The following LRRC7 variants were observed in gnomAD, a reference collection of about 807,000 sequenced individuals.
LRRC7 encodes leucine-rich repeat-containing protein 7.
In LRRC7, 23 loss-of-function variants were observed where a neutral mutation model predicts 175.7. The observed-to-expected ratio is 0.13, with a 90% CI of 0.09 to 0.19. The LOEUF (loss-of-function observed/expected upper bound fraction) is 0.19, where lower values mean the gene tolerates loss of function less well. Ranked by LOEUF, LRRC7 falls within the 10% of genes least tolerant of loss-of-function variation. The pLI, the probability that LRRC7 is intolerant of heterozygous loss-of-function variation, is 1.00. For missense variants in LRRC7, 1,354 were observed against 1,904.7 expected, an observed-to-expected ratio of 0.71 and a Z score of 5.38; for synonymous variants, 685 against 680.9, an observed-to-expected ratio of 1.01 and a Z score of -0.09.
chr1:69,738,364 G>A (rs77318669), intron 2 of LRRC7, among the ~76,000 whole-genome samples: 1,599 of 152,098 alleles, frequency 0.011, 34 homozygotes, highest in African/African-American at 0.037. Flanking sequence ...CTGCGCCAGA[G>A]CTAGTACTGA....
In LRRC7 at chr1:69,939,021, A is replaced by C. The variant is rs888773755; in HGVS notation, c.711+7451A>C. 7.6e-5 allele frequency among the ~76,000 whole-genome samples: 9 copies of C among 118,468 alleles called. 1 individual carries two copies. The highest frequency in any genetic ancestry group is 2.9e-4 in the East Asian group (1 of 3,392). The allele number at this position is 118,468 out of a possible 152,430, so 77.7% of individuals were successfully genotyped here. ...TATATATATATATATATATCTATAT[A>C]TATATATATCTATATATATCTATAT... On this transcript the variant is annotated intron_variant, in intron 8 of 26. Transcript: ENST00000651989.
chr1:69,948,989 C>T (rs914295038), intron 8 of LRRC7, among the ~76,000 whole-genome samples: 5 of 152,048 alleles, frequency 3.3e-5, no homozygotes, highest in Admixed American at 2.0e-4. Flanking sequence ...AGTACTAAGC[C>T]GTAACTGTCT....
chr1:69,963,047 G>A (rs1483107744), intron 8 of LRRC7, among the ~76,000 whole-genome samples: 3 of 152,018 alleles, frequency 2.0e-5, no homozygotes, highest in African/African-American at 4.8e-5. Flanking sequence ...GCTCCTGCCT[G>A]TAATCCCAGC....
At chr1:69,793,295 A>AG (rs1369681566) in intron 4 of LRRC7, among the ~76,000 whole-genome samples, 1 of 152,146 alleles carries the variant, frequency 6.6e-6, no homozygotes, top group African/African-American at 2.4e-5. Context: ...TTTCCTAAGA[A>AG]GTGATAACCA....
chr1:69,792,364 C>T (rs1430300417), intron 4 of LRRC7, among the ~76,000 whole-genome samples: 7 of 151,998 alleles, frequency 4.6e-5, no homozygotes, highest in Non-Finnish European at 8.8e-5. Flanking sequence ...GTGCTTGACT[C>T]GTTCAAGTCT....
intron 4 of LRRC7, among the ~76,000 whole-genome samples, chr1:69,801,527 T>C (rs1019184513): frequency 1.3e-5 from 2 of 151,778 alleles, no homozygotes; most frequent in Non-Finnish European, 3.0e-5. Context: ...TAGTCTCTGA[T>C]TATCTTTTGT....
intron 11 of LRRC7, among the ~76,000 whole-genome samples, chr1:70,008,263 G>T (rs1656169494): frequency 6.6e-6 from 1 of 152,122 alleles, no homozygotes; most frequent in African/African-American, 2.4e-5. Flanking sequence ...TGATTAGATT[G>T]TTCCCACCAG....
Position 69,877,799 on chromosome 1 carries a change from G to A in LRRC7, c.647+39516G>A, listed in dbSNP as rs80323629. ...TTTTATGTCTGGTTCCTTTCACTTA[G>A]CATAACACTTAGCATAACCCATAAT... is the stretch of plus-strand genomic sequence containing the variant. On this transcript the variant is annotated intron_variant, in intron 7 of 26. Coordinates refer to ENST00000651989, the MANE Select transcript of LRRC7 (RefSeq NM_001370785.2). Among the ~76,000 whole-genome samples, 70 of 152,150 alleles carry A rather than the reference G, an allele frequency of 4.6e-4. 1 individual carries two copies. In the East Asian group the frequency reaches 0.013, roughly 29 times the overall value.
intron 7 of LRRC7, among the ~76,000 whole-genome samples, chr1:69,867,707 T>C (rs1016217555): frequency 3.9e-5 from 6 of 152,040 alleles, no homozygotes; most frequent in Admixed American, 3.3e-4. Context: ...ATTTAGTAAA[T>C]GACTGAGTTT....
In LRRC7 at chr1:69,914,435, G is replaced by A. The variant is rs1646627147; in HGVS notation, c.648-17072G>A. On this transcript the variant is annotated intron_variant, in intron 7 of 26. Transcript: ENST00000651989. ...TTTCCAGCTTTGCAATCGGATAAAT[G>A]CTGTAAAGTGATAGCATGATAGGAA... Among the ~76,000 whole-genome samples, 3 of 152,228 alleles carry A rather than the reference G, an allele frequency of 2.0e-5. 1 individual carries two copies. In the South Asian group the frequency reaches 6.2e-4, roughly 32 times the overall value.
At chr1:69,596,817 C>T (rs940593566) in intron 1 of LRRC7, among the ~76,000 whole-genome samples, 2 of 152,182 alleles carry the variant, frequency 1.3e-5, no homozygotes, top group Non-Finnish European at 2.9e-5. Context: ...ACTTTAGATT[C>T]ATTGTGCAGT....
At position 70,107,676 on chromosome 1, in the gene LRRC7, A is replaced by C. The variant is rs113735086; in HGVS notation, c.4546-76A>C. The C allele has an allele frequency of 8.7e-6, 9 of 1,036,052 alleles. 1 individual carries two copies. The highest frequency in any genetic ancestry group is 6.3e-5 in the African/African-American group (4 of 63,508). 64.2% of individuals were successfully genotyped at this position (1,036,052 alleles called of 1,614,324 possible). ...TCTGGATCTGTTTTCACTGTTTTCTATGTGAATGAAGATTTGTTTAAGTAG... is the reference window on the plus strand; with the variant it reads ...TCTGGATCTGTTTTCACTGTTTTCTCTGTGAATGAAGATTTGTTTAAGTAG... On this transcript the variant is annotated intron_variant, in intron 25 of 26. Coordinates refer to ENST00000651989, the MANE Select transcript of LRRC7 (RefSeq NM_001370785.2).
intron 21 of LRRC7, among the ~76,000 whole-genome samples, chr1:70,040,530 A>G (rs540322839): frequency 5.1e-4 from 77 of 152,334 alleles, no homozygotes; most frequent in African/African-American, 1.7e-3. Context: ...TTAAAAATTG[A>G]GTCACAATAG....
intron 2 of LRRC7, among the ~76,000 whole-genome samples, chr1:69,709,980 G>A (rs1664542458): frequency 6.6e-6 from 1 of 151,954 alleles, no homozygotes; most frequent in Non-Finnish European, 1.5e-5. Context: ...TGGTAGGGAT[G>A]ATCTAGAAAA....
At chr1:69,719,745 C>T (rs1666146766) in intron 2 of LRRC7, among the ~76,000 whole-genome samples, 3 of 151,370 alleles carry the variant, frequency 2.0e-5, no homozygotes, top group Admixed American at 2.0e-4. Context: ...ATTGTAAAAA[C>T]CTCAAACAAT....
chr1:69,928,568 G>A (rs1016557157), intron 7 of LRRC7, among the ~76,000 whole-genome samples: 8 of 152,206 alleles, frequency 5.3e-5, no homozygotes, highest in Non-Finnish European at 1.0e-4. Flanking sequence ...AGACTGCTGT[G>A]CTAGCAATCA....
chr1:69,578,607 C>T (rs967215631), intron 1 of LRRC7, among the ~76,000 whole-genome samples: 8 of 151,180 alleles, frequency 5.3e-5, no homozygotes, highest in Admixed American at 2.0e-4. Context: ...GAATACTATG[C>T]GGCCATAAAA....
chr1:69,925,428 C>A (rs1177281482), intron 7 of LRRC7, among the ~76,000 whole-genome samples: 1 of 152,100 alleles, frequency 6.6e-6, no homozygotes, highest in East Asian at 1.9e-4. Flanking sequence ...TCCATCTGGT[C>A]CTGGACTCTT....
At chr1:69,900,426 C>T (rs1437408454) in intron 7 of LRRC7, among the ~76,000 whole-genome samples, 1 of 152,262 alleles carries the variant, frequency 6.6e-6, no homozygotes, top group East Asian at 1.9e-4. Context: ...CTAGGATAAA[C>T]TTCTTCCCAT....
Sources: gnomAD v4.1 joint callset for allele counts (sites outside exome capture counted in the v4.1 genomes callset) on GRCh38, gnomAD v4.1.1 for gene constraint, MANE v1.5 for transcripts, NCBI Gene and HGNC (gene_info 2026-07-23, HGNC 2026-07-21) for gene names.